The following TRPM3 variants were observed in gnomAD, a reference collection of about 807,000 sequenced individuals.
TRPM3 encodes the protein long transient receptor potential channel 3.
Under a neutral mutation model 181.2 loss-of-function variants are expected in TRPM3, and 77 were observed. That is an observed-to-expected ratio of 0.42 (90% CI 0.35 to 0.51). TRPM3 has a LOEUF of 0.51. Ranked by LOEUF, TRPM3 falls within the 20% of genes least tolerant of loss-of-function variation. The pLI, the probability that TRPM3 is intolerant of heterozygous loss-of-function variation, is 0.01. For synonymous variants in TRPM3, 745 were observed against 796.4 expected (o/e 0.94, Z 1.09); for missense variants, 1,759 against 2,196.7 (o/e 0.80, Z 3.98).
rs769442758 is a variant in TRPM3, at chr9:70,537,271, C to A, written c.3842G>T (p.Arg1281Leu). ...CTCGGCCCGCTCCAGACCTGTCAGG[C>A]GCTCCAGGGCCGTGGCCATGCGCCC... is the stretch of plus-strand genomic sequence containing the variant. ...LIGRMATALE[R>L]LTGLERAESN... The change falls in exon 26 of 26, where the codon CGC becomes CTC. Residue 1281 changes from arginine (R) to leucine (L), a missense_variant. Coordinates refer to ENST00000677713, the MANE Select transcript of TRPM3 (RefSeq NM_001366145.2). 2 of 1,579,566 alleles carry A rather than the reference C, an allele frequency of 1.3e-6. No homozygotes were observed. Among genetic ancestry groups the A allele is most frequent in the Non-Finnish European group, 8.6e-7 (1 of 1,157,938 alleles).
intron 1 of TRPM3, among the ~76,000 whole-genome samples, chr9:71,060,808 A>T (rs975901825): frequency 2.0e-4 from 30 of 152,136 alleles, no homozygotes; most frequent in African/African-American, 7.0e-4. Flanking sequence ...CACAGGTACT[A>T]GTCATCTAGG....
chr9:70,787,695 AG>A (rs2084004861), intron 6 of TRPM3, among the ~76,000 whole-genome samples: 1 of 150,372 alleles, frequency 6.7e-6, no homozygotes, highest in South Asian at 2.1e-4. Flanking sequence ...CCCTTTCTCC[AG>A]AAAAGTAAAC....
intron 9 of TRPM3, among the ~76,000 whole-genome samples, chr9:70,650,111 AC>A (rs1279285910): frequency 2.6e-5 from 4 of 152,174 alleles, no homozygotes; most frequent in Admixed American, 6.5e-5. Flanking sequence ...AACATTGAGT[AC>A]ACATGGACAC....
intron 1 of TRPM3, among the ~76,000 whole-genome samples, chr9:71,127,843 G>C (rs529844116): frequency 6.6e-6 from 1 of 152,140 alleles, no homozygotes; most frequent in Non-Finnish European, 1.5e-5. Context: ...ATCTTATCAT[G>C]CTTTAGTGCC....
chr9:71,200,363 G>A (rs1454684530), intron 1 of TRPM3, among the ~76,000 whole-genome samples: 2 of 151,434 alleles, frequency 1.3e-5, no homozygotes, highest in African/African-American at 4.9e-5. Context: ...ATTTGGGGTG[G>A]AGAGTTCTGT....
At chr9:70,777,545 T>C (rs2081593444) in intron 7 of TRPM3, among the ~76,000 whole-genome samples, 1 of 152,154 alleles carries the variant, frequency 6.6e-6, no homozygotes, top group Admixed American at 6.6e-5. Context: ...AGAGCTTGGA[T>C]ACAATAACAC....
intron 1 of TRPM3, among the ~76,000 whole-genome samples, chr9:71,274,416 C>CTT (rs1176520129): frequency 6.6e-6 from 1 of 152,162 alleles, no homozygotes; most frequent in Non-Finnish European, 1.5e-5. Flanking sequence ...CCATAATTTA[C>CTT]ACATACCTAT....
At chr9:70,929,225 T>C (rs1301340530) in intron 1 of TRPM3, among the ~76,000 whole-genome samples, 2 of 151,874 alleles carry the variant, frequency 1.3e-5, no homozygotes, top group Non-Finnish European at 2.9e-5. Flanking sequence ...TTTTTGAGAC[T>C]AAGTCTCACT....
Position 70,577,160 on chromosome 9 carries a change from G to A in TRPM3, c.3223+13871C>T, listed in dbSNP as rs574132592. ...GTTTCCACCGAACCCCACAGTAGAT[G>A]TAACTGCTATGAAGTACATGCCAAG... On this transcript the variant is annotated intron_variant, in intron 22 of 25. Transcript: ENST00000677713. 1.5e-4 allele frequency among the ~76,000 whole-genome samples: 23 copies of A among 152,326 alleles called. 1 individual carries two copies. The highest frequency in any genetic ancestry group is 5.5e-4 in the African/African-American group (23 of 41,578).
intron 1 of TRPM3, among the ~76,000 whole-genome samples, chr9:71,273,716 CT>C (rs2083976630): frequency 6.6e-6 from 1 of 152,164 alleles, no homozygotes; most frequent in African/African-American, 2.4e-5. Flanking sequence ...GATAATGAAT[CT>C]CTAAAAACGA....
chr9:71,191,927 G>A (rs1194408837), intron 1 of TRPM3, among the ~76,000 whole-genome samples: 2 of 151,824 alleles, frequency 1.3e-5, no homozygotes, highest in African/African-American at 4.8e-5. Flanking sequence ...AGAGTGAATG[G>A]GGAGGTAACT....
chr9:70,769,198 T>C (rs1404366064), intron 7 of TRPM3, among the ~76,000 whole-genome samples: 1 of 152,184 alleles, frequency 6.6e-6, no homozygotes, highest in Non-Finnish European at 1.5e-5. Context: ...AAGATTTGTC[T>C]ATGGTCTTGC....
At chr9:70,922,623 C>T (rs984642878) in intron 1 of TRPM3, among the ~76,000 whole-genome samples, 2 of 152,152 alleles carry the variant, frequency 1.3e-5, no homozygotes, top group African/African-American at 4.8e-5. Flanking sequence ...CATTTTCCTA[C>T]TAAATCATTT....
At chr9:71,380,680 G>C (rs2092779102) in intron 1 of TRPM3, among the ~76,000 whole-genome samples, 1 of 152,030 alleles carries the variant, frequency 6.6e-6, no homozygotes, top group Admixed American at 6.6e-5. Context: ...TAAAATAAAA[G>C]TGACTTTATT....
chr9:71,184,408 T>C (rs537585576), intron 1 of TRPM3, among the ~76,000 whole-genome samples: 10 of 152,248 alleles, frequency 6.6e-5, no homozygotes, highest in African/African-American at 2.2e-4. Flanking sequence ...AACCATACCA[T>C]AGTTTCATGA....
chr9:71,177,932 C>CAAAAAAA (rs10717759), intron 1 of TRPM3, among the ~76,000 whole-genome samples: 2 of 123,590 alleles, frequency 1.6e-5, no homozygotes, highest in African/African-American at 3.0e-5. Flanking sequence ...TGCTCAAAGC[C>CAAAAAAA]AAAAAAAAAA....
chr9:70,898,096 A>C (rs904485607), intron 1 of TRPM3, among the ~76,000 whole-genome samples: 1 of 151,636 alleles, frequency 6.6e-6, no homozygotes, highest in African/African-American at 2.4e-5. Flanking sequence ...CATTCTCACT[A>C]AGCAGCTCAC....
At chr9:71,049,255 A>G (rs2059798494) in intron 1 of TRPM3, among the ~76,000 whole-genome samples, 1 of 152,100 alleles carries the variant, frequency 6.6e-6, no homozygotes. Flanking sequence ...AACATGCCTT[A>G]GCAATATGAT....
At chr9:70,540,839 T>C (rs1256334531) in intron 25 of TRPM3, among the ~76,000 whole-genome samples, 1 of 152,204 alleles carries the variant, frequency 6.6e-6, no homozygotes, top group Admixed American at 6.5e-5. Flanking sequence ...TCCTCCACTG[T>C]AGCCTCCTGA....
Sources: gnomAD v4.1 joint callset for allele counts (sites outside exome capture counted in the v4.1 genomes callset) on GRCh38, gnomAD v4.1.1 for gene constraint, MANE v1.5 for transcripts, NCBI Gene and HGNC (gene_info 2026-07-23, HGNC 2026-07-21) for gene names.